BUB1B: variants seen among roughly 807,000 people sequenced by gnomAD.
BUB1B encodes BUB1 mitotic checkpoint serine/threonine kinase B.
In BUB1B, 86 loss-of-function variants were observed where a neutral mutation model predicts 137.7. That is an observed-to-expected ratio of 0.62 (90% confidence interval 0.52 to 0.75). BUB1B has a LOEUF of 0.75. BUB1B is among the 30% of genes least tolerant of loss of function. The pLI is 0.00. For synonymous variants in BUB1B, 420 were observed against 417.9 expected, an observed-to-expected ratio of 1.00 and a Z score of -0.06; for missense variants, 1,130 against 1,236.9, an observed-to-expected ratio of 0.91 and a Z score of 1.30.
intron 8 of BUB1B, among the ~76,000 whole-genome samples, chr15:40,190,109 G>A (rs961517323): frequency 1.3e-5 from 2 of 152,090 alleles, no homozygotes; most frequent in African/African-American, 4.8e-5. Flanking sequence ...GTGGATGCCC[G>A]AAACTTGATA....
In BUB1B at chr15:40,185,285, C is replaced by T; in HGVS notation, c.872C>T (p.Thr291Ile). The T allele has an allele frequency of 6.2e-7, 1 of 1,614,148 alleles. No homozygotes were observed. Among genetic ancestry groups the T allele is most frequent in the Non-Finnish European group, 8.5e-7 (1 of 1,180,018 alleles). The change falls in exon 7 of 23, where the codon ACA (threonine) becomes ATA (isoleucine). Residue 291 changes from threonine to isoleucine, a missense_variant. Physicochemically the swap from Thr to Ile is moderately conservative, Grantham distance 89. Coordinates refer to ENST00000287598, the MANE Select transcript of BUB1B (RefSeq NM_001211.6). ...TCTACAGCAGAGTTGTCTAAGCCTACAGTCCAGCCATGGATAGCACCCCCC... is the reference window on the plus strand; with the variant it reads ...TCTACAGCAGAGTTGTCTAAGCCTATAGTCCAGCCATGGATAGCACCCCCC... ...EASTAELSKP[T>I]VQPWIAPPMP...
rs373105304 is a variant in BUB1B at position 40,206,195 on chromosome 15, A to C, written c.1746A>C (p.Thr582=). ...DVSPDVCDEF[T]GIEPLSEDAI... The stretch of plus-strand genomic sequence containing the variant: ...GGTCTTTATTTCAGGATGAATTTAC[A>C]GGAATTGAACCCTTGAGCGAGGATG... Residue 582 remains threonine, a synonymous_variant, in exon 15 of 23, where the codon ACA becomes ACC. Transcript: ENST00000287598. The C allele has an allele frequency of 4.5e-5, 73 of 1,614,080 alleles. No homozygotes were observed. The African/African-American group carries it at 9.6e-4, about 21-fold the overall frequency.
chr15:40,193,132 G>A (rs570340644), intron 8 of BUB1B, among the ~76,000 whole-genome samples: 2 of 152,262 alleles, frequency 1.3e-5, no homozygotes, highest in Admixed American at 1.3e-4. Context: ...TTACAAGCAT[G>A]AGTCACCACA....
chr15:40,218,582 A>G lies in BUB1B; in HGVS notation c.2957+20A>G. ...TTCTGAGTAAGTATTGATGAATGTC[A>G]GGGTCTCTGCCTGTCCCAATAATTT... is the stretch of plus-strand genomic sequence containing the variant. On this transcript the variant is annotated intron_variant, in intron 22 of 22. Transcript: ENST00000287598. The G allele has an allele frequency of 6.5e-7, 1 of 1,541,090 alleles. No homozygotes were observed. Among genetic ancestry groups the G allele is most frequent in the Non-Finnish European group, 9.0e-7 (1 of 1,114,012 alleles).
chr15:40,173,508 AG>A (rs1017748631), intron 4 of BUB1B, among the ~76,000 whole-genome samples: 2 of 152,210 alleles, frequency 1.3e-5, no homozygotes, highest in Non-Finnish European at 2.9e-5. Context: ...TACTGAAAGA[AG>A]GGTTTGCATA....
At chr15:40,192,991 C>T in intron 8 of BUB1B, among the ~76,000 whole-genome samples, 1 of 152,038 alleles carries the variant, frequency 6.6e-6, no homozygotes, top group Non-Finnish European at 1.5e-5. Flanking sequence ...GCTGGGACTA[C>T]AGGTGCATGC....
At chr15:40,215,242 G>A (rs980998031) in intron 20 of BUB1B, among the ~76,000 whole-genome samples, 4 of 152,200 alleles carry the variant, frequency 2.6e-5, no homozygotes, top group African/African-American at 9.6e-5. Flanking sequence ...TGGAGGCTGA[G>A]GCGGGCAGAT....
At chr15:40,162,263 G>A (rs903688043) in intron 1 of BUB1B, among the ~76,000 whole-genome samples, 6 of 152,200 alleles carry the variant, frequency 3.9e-5, no homozygotes, top group African/African-American at 1.4e-4. Context: ...CATGTCCAAG[G>A]CCATTGTCAC....
intron 12 of BUB1B, among the ~76,000 whole-genome samples, chr15:40,201,626 T>C (rs1296219015): frequency 7.2e-5 from 11 of 152,184 alleles, no homozygotes; most frequent in African/African-American, 2.7e-4. Flanking sequence ...ATCTTAACTC[T>C]GCATTCCCAA....
At chr15:40,182,620 G>A (rs571183816) in intron 5 of BUB1B, among the ~76,000 whole-genome samples, 13 of 152,262 alleles carry the variant, frequency 8.5e-5, no homozygotes, top group Admixed American at 6.5e-5. Flanking sequence ...GTGCTGCTTT[G>A]AATCTACCCT....
chr15:40,165,513 T>C (rs1299700699), intron 2 of BUB1B, among the ~76,000 whole-genome samples: 2 of 152,182 alleles, frequency 1.3e-5, no homozygotes, highest in East Asian at 3.8e-4. Flanking sequence ...CCCAAAAGTA[T>C]TATGTTAGGA....
chr15:40,190,888 A>ATTT (rs1399316223), intron 8 of BUB1B, among the ~76,000 whole-genome samples: 4 of 141,272 alleles, frequency 2.8e-5, no homozygotes, highest in African/African-American at 7.8e-5. Context: ...ACGCCTTGTA[A>ATTT]TTTTTTTTTT....
At chr15:40,172,831 A>C (rs1383000891) in intron 4 of BUB1B, among the ~76,000 whole-genome samples, 3 of 152,210 alleles carry the variant, frequency 2.0e-5, no homozygotes, top group Admixed American at 2.0e-4. Flanking sequence ...TACCCTATGG[A>C]TATTAGTTAC....
rs2037686156 is a variant in BUB1B at position 40,209,734 on chromosome 15, G to A, written c.2243G>A (p.Arg748Lys). 7.4e-6 allele frequency: 12 copies of A among 1,614,008 alleles called. No individual in the cohort carries two copies. The highest frequency in any genetic ancestry group is 9.3e-6 in the Non-Finnish European group (11 of 1,180,032). ...TCTGCAGAGTTGTGTATAGAAGACA[G>A]ACCAATGCCTAAGTTGGAAATTGAG... ...SASAELCIED[R>K]PMPKLEIEKE... is the part of the protein sequence containing the mutation. Residue 748 changes from arginine (R) to lysine (K), a missense_variant, in exon 17 of 23, where the codon AGA becomes AAA. By Grantham distance (26) the Arg-to-Lys change is conservative. Transcript: ENST00000287598.
chr15:40,173,384 G>A (rs1289741134), intron 4 of BUB1B, among the ~76,000 whole-genome samples: 1 of 150,766 alleles, frequency 6.6e-6, no homozygotes, highest in Non-Finnish European at 1.5e-5. Flanking sequence ...TTTAATTGGA[G>A]TTGTTAAAAG....
In BUB1B at chr15:40,183,728, G is replaced by C. The variant is rs779260067; in HGVS notation, c.596G>C (p.Arg199Pro). 2 of 1,613,992 alleles carry C rather than the reference G, an allele frequency of 1.2e-6. No individual in the cohort carries two copies. Among genetic ancestry groups the C allele is most frequent in the East Asian group, 4.5e-5 (2 of 44,866 alleles). ...TGCTACTTTAGACAATTCCAAGCTC[G>C]AGTGTCTCGGCAAACTCTGTTGGCA... is the stretch of plus-strand genomic sequence containing the variant. ...LQSQHRQFQARVSRQTLLALE... is the reference protein window; with the variant it reads ...LQSQHRQFQAPVSRQTLLALE... The change falls in exon 6 of 23, where the codon CGA becomes CCA. Residue 199 changes from arginine (R) to proline (P), a missense_variant. Arg to Pro is a moderately radical substitution (Grantham distance 103). Transcript: ENST00000287598.
chr15:40,196,617 TC>T lies in BUB1B; in HGVS notation c.1133del (p.Pro378LeufsTer19), dbSNP rs1434706762. ...TRKPGKEEGD[P>X]LQRVQSHQQA... ...GAAAGCCTGGAAAGGAAGAAGGAGA[TC>T]CTCTACAAAGGGTTCAGAGCCATCA... On this transcript the variant is annotated frameshift_variant, in exon 9 of 23. Transcript: ENST00000287598. LOFTEE classifies it high-confidence loss of function. The T allele has an allele frequency of 6.2e-7, 1 of 1,613,866 alleles. No individual in the cohort carries two copies. Among genetic ancestry groups the T allele is most frequent in the Non-Finnish European group, 8.5e-7 (1 of 1,179,914 alleles).
chr15:40,195,107 C>A (rs2037482107), intron 8 of BUB1B, among the ~76,000 whole-genome samples: 3 of 152,048 alleles, frequency 2.0e-5, no homozygotes, highest in Non-Finnish European at 2.9e-5. Context: ...ACACTGTACC[C>A]GATGTGTAGT....
At chr15:40,195,980 T>C (rs1314147030) in intron 8 of BUB1B, among the ~76,000 whole-genome samples, 1 of 152,224 alleles carries the variant, frequency 6.6e-6, no homozygotes, top group Admixed American at 6.5e-5. Context: ...AGCTTTTTAG[T>C]TTAGTTTAGC....
Sources: gnomAD v4.1 joint callset for allele counts (sites outside exome capture counted in the v4.1 genomes callset) on GRCh38, gnomAD v4.1.1 for gene constraint, MANE v1.5 for transcripts, NCBI Gene and HGNC (gene_info 2026-07-23, HGNC 2026-07-21) for gene names.